Variants in MYLK3 observed in about 807,000 individuals in gnomAD.
MYLK3 encodes the protein myosin light chain kinase 3, also known as MLC kinase.
In MYLK3, 55 loss-of-function variants were observed where a neutral mutation model predicts 76.3. The ratio of observed to expected loss-of-function variants is 0.72; its 90% CI spans 0.58 to 0.90. MYLK3 has a LOEUF of 0.90. Ranked by LOEUF, MYLK3 falls within the 40% of genes least tolerant of loss-of-function variation. The pLI is 0.00. For synonymous variants in MYLK3, 416 were observed against 425.4 expected, an observed-to-expected ratio of 0.98 and a Z score of 0.27; for missense variants, 973 against 1,053.6, an observed-to-expected ratio of 0.92 and a Z score of 1.06.
At chr16:46,712,262 G>A (rs545890079) in intron 10 of MYLK3, among the ~76,000 whole-genome samples, 5 of 151,810 alleles carry the variant, frequency 3.3e-5, no homozygotes, top group East Asian at 1.9e-4. Flanking sequence ...AAAGTGCTGC[G>A]ATTACAGGCA....
rs1225506578 is a variant in MYLK3, at chr16:46,709,605, T to G, written c.2334A>C (p.Ser778=). ...EWLNNLPAKA[S]RSKTRLKSQL... The stretch of plus-strand genomic sequence containing the variant: ...GGGATTTGAGACGAGTTTTGGATCT[T>G]GAAGCTTTGGCAGGCAAATTATTCA... Residue 778 remains serine (S), a synonymous_variant, in exon 12 of 13, where the codon TCA becomes TCC. Coordinates refer to ENST00000394809, the MANE Select transcript of MYLK3 (RefSeq NM_182493.3). 3.1e-6 allele frequency: 5 copies of G among 1,614,188 alleles called. No homozygotes were observed.
At chr16:46,758,504 C>A (rs570920472) in intron 1 of MYLK3, among the ~76,000 whole-genome samples, 45 of 152,260 alleles carry the variant, frequency 3.0e-4, no homozygotes, top group Admixed American at 6.5e-4. Context: ...TTGTCATCCC[C>A]ATTTCACAGA....
At chr16:46,757,908 C>A (rs1967221313) in intron 1 of MYLK3, among the ~76,000 whole-genome samples, 1 of 152,170 alleles carries the variant, frequency 6.6e-6, no homozygotes. Flanking sequence ...TGCAGGGACT[C>A]CTTGCATTCA....
intron 3 of MYLK3, among the ~76,000 whole-genome samples, chr16:46,735,618 C>T (rs960172999): frequency 3.9e-5 from 6 of 152,200 alleles, no homozygotes; most frequent in South Asian, 2.1e-4. Flanking sequence ...TCCCTAGGTG[C>T]GTGTGACTCA....
In MYLK3 at chr16:46,702,931, A is replaced by T. The variant is rs1966590411; in HGVS notation, c.*4773T>A. 6.7e-6 allele frequency among the ~76,000 whole-genome samples: 1 copy of T among 148,894 alleles called. No homozygotes were observed. The highest frequency in any genetic ancestry group is 1.5e-5 in the Non-Finnish European group (1 of 67,542). On this transcript the variant is annotated 3_prime_UTR_variant, in exon 13 of 13. Transcript: ENST00000394809. ...TGAGACTCCATCTTGGAAAGAAAAA[A>T]AAAAAAAGGAATACATGCTCATTGT...
At chr16:46,743,151 C>T (rs17792604) in intron 1 of MYLK3, among the ~76,000 whole-genome samples, 27,714 of 152,180 alleles carry the variant, frequency 0.18, 2,941 homozygotes, top group African/African-American at 0.28. Flanking sequence ...ATGCCTGGGG[C>T]TGTTTTCCAG....
At chr16:46,758,296 ACACACACACTCTCTCTCT>A (rs1384721770) in intron 1 of MYLK3, among the ~76,000 whole-genome samples, 11 of 59,290 alleles carry the variant, frequency 1.9e-4, no homozygotes, top group South Asian at 2.3e-3. Flanking sequence ...ACACACACAC[ACACACACACTCTCTCTCT>A]CTCTCTCTCT....
chr16:46,723,294 G>A lies in MYLK3; in HGVS notation c.1915-2101C>T, dbSNP rs368157895. 2.9e-4 allele frequency among the ~76,000 whole-genome samples: 44 copies of A among 152,224 alleles called. 1 individual carries two copies. In the South Asian group the frequency reaches 6.4e-3, roughly 22 times the overall value. On this transcript the variant is annotated intron_variant, in intron 8 of 12. Coordinates refer to ENST00000394809, the MANE Select transcript of MYLK3 (RefSeq NM_182493.3). ...ACCAGAATGTTTTCAAGGTTTATCC[G>A]TGTTGTGTAGCAGGTATCAGCACTT...
chr16:46,715,462 T>A (rs420560), intron 9 of MYLK3, among the ~76,000 whole-genome samples: 150,036 of 152,298 alleles, frequency 0.99, 73,931 homozygotes, highest in East Asian at 1. Flanking sequence ...TATTCTTAGC[T>A]CAAGTCTGTC....
intron 9 of MYLK3, 97 bp from the exon 10 acceptor site, chr16:46,712,873 C>A: frequency 7.8e-7 from 1 of 1,277,366 alleles, no homozygotes; most frequent in East Asian, 2.8e-5. Context: ...TTCCCCACTT[C>A]CCATCAGCCA....
At chr16:46,753,244 A>T (rs144841903), upstream of MYLK3, among the ~76,000 whole-genome samples, 479 of 152,260 alleles carry the variant, frequency 3.1e-3, 2 homozygotes, top group African/African-American at 0.011. Context: ...GGGAGCAGGA[A>T]TGCAAGACTG....
In MYLK3 at chr16:46,705,843, T is replaced by A. The variant is rs1966618714; in HGVS notation, c.*1861A>T. 1 of 151,626 alleles carries A rather than the reference T, an allele frequency of 6.6e-6. No homozygotes were observed. Among genetic ancestry groups the A allele is most frequent in the Admixed American group, 6.6e-5 (1 of 15,198 alleles). The allele number at this position is 151,626 out of a possible 1,614,324, so 9.4% of individuals were successfully genotyped here. Reference sequence around the variant, plus strand: ...CTCCACTAAAAATACAAAAATTAGCTGGGTGTAGTAGCGGGCACCTATGGT... The same window carrying A: ...CTCCACTAAAAATACAAAAATTAGCAGGGTGTAGTAGCGGGCACCTATGGT... On this transcript the variant is annotated 3_prime_UTR_variant, in exon 13 of 13. Transcript: ENST00000394809.
intron 1 of MYLK3, among the ~76,000 whole-genome samples, chr16:46,754,879 G>T (rs1967176895): frequency 6.6e-6 from 1 of 151,348 alleles, no homozygotes. Context: ...TTTGTGATTT[G>T]CAAAAATGCA....
At chr16:46,725,429 C>T (rs570360301) in intron 8 of MYLK3, among the ~76,000 whole-genome samples, 3 of 152,218 alleles carry the variant, frequency 2.0e-5, no homozygotes, top group African/African-American at 7.2e-5. Flanking sequence ...CACAAATGGC[C>T]GTTATCAGGT....
At chr16:46,760,578 A>G (rs1488726472) in intron 1 of MYLK3, among the ~76,000 whole-genome samples, 2 of 152,200 alleles carry the variant, frequency 1.3e-5, no homozygotes, top group Non-Finnish European at 2.9e-5. Flanking sequence ...AGGGGACATG[A>G]GTGAGATGGG....
At chr16:46,734,474 T>C (rs1567287841) in intron 3 of MYLK3, among the ~76,000 whole-genome samples, 1 of 152,052 alleles carries the variant, frequency 6.6e-6, no homozygotes, top group Non-Finnish European at 1.5e-5. Context: ...ATTAGCTGAG[T>C]GTGGTGGCAC....
At chr16:46,721,099 G>A in intron 9 of MYLK3, 24 bp downstream of exon 9, 1 of 1,605,430 alleles carries the variant, frequency 6.2e-7, no homozygotes, top group Non-Finnish European at 8.5e-7. Context: ...ATTTTGTTAA[G>A]GTATCTAAAT....
chr16:46,746,578 G>A (rs1161714575), intron 1 of MYLK3, among the ~76,000 whole-genome samples: 1 of 152,048 alleles, frequency 6.6e-6, no homozygotes, highest in Admixed American at 6.6e-5. Context: ...GTGCCACAAT[G>A]CCTGGTAAAT....
chr16:46,716,495 ATATGTGTGTG>A (rs1450081887), intron 9 of MYLK3, among the ~76,000 whole-genome samples: 61 of 145,176 alleles, frequency 4.2e-4, no homozygotes, highest in South Asian at 3.1e-3. Context: ...ATGTGTATAT[ATATGTGTGTG>A]TGTGTGTGTG....
Sources: allele counts gnomAD v4.1 joint callset (sites outside exome capture counted in the v4.1 genomes callset), GRCh38; gene constraint gnomAD v4.1.1; transcripts MANE v1.5; gene names NCBI Gene and HGNC (gene_info 2026-07-23, HGNC 2026-07-21).